Variants in ACACA observed in about 807,000 individuals in gnomAD.
ACACA encodes acetyl-CoA carboxylase alpha, also known as acetyl-CoA carboxylase 1.
Under a neutral mutation model 296.1 loss-of-function variants are expected in ACACA, and 103 were observed. The observed-to-expected ratio is 0.35, with a 90% CI of 0.30 to 0.41. ACACA has a LOEUF of 0.41. Ranked by LOEUF, ACACA falls within the 10% of genes least tolerant of loss-of-function variation. ACACA has a pLI of 1.00. For synonymous variants in ACACA, 953 were observed against 1,038.6 expected, an observed-to-expected ratio of 0.92 and a Z score of 1.58; for missense variants, 1,554 against 2,989.7, an observed-to-expected ratio of 0.52 and a Z score of 11.20.
At chr17:37,328,760 C>T in intron 3 of ACACA, 2 of 397,234 alleles carry the variant, frequency 5.0e-6, no homozygotes, top group Non-Finnish European at 8.9e-6. Context: ...GTAACAGCAA[C>T]AACAGCCACC....
At chr17:37,350,754 G>A (rs575897573) in intron 1 of ACACA, among the ~76,000 whole-genome samples, 4 of 152,102 alleles carry the variant, frequency 2.6e-5, no homozygotes, top group East Asian at 3.9e-4. Context: ...CAGGAGAATC[G>A]CTTGAACCTG....
intron 3 of ACACA, chr17:37,299,630 CG>C (rs2083522305): frequency 8.6e-7 from 1 of 1,164,050 alleles, no homozygotes; most frequent in East Asian, 4.4e-5. Context: ...TGAGAGGAGC[CG>C]GGGAGAAATA....
intron 1 of ACACA, among the ~76,000 whole-genome samples, chr17:37,363,083 C>A: frequency 6.7e-6 from 1 of 149,438 alleles, no homozygotes. Flanking sequence ...AACTCCTGGG[C>A]TCAAGCGATC....
Position 37,128,023 on chromosome 17 carries a change from T to TAAAAAAAAAAAAAAAAAAAAA in ACACA, c.5944+1341_5944+1342insTTTTTTTTTTTTTTTTTTTTT, listed in dbSNP as rs2074890198. ...TGGAGGACAAGAGTGAAACTCCATC[T>TAAAAAAAAAAAAAAAAAAAAA]CAAAAAAAAAAAAAAAAAAAAAAAA... On this transcript the variant is annotated intron_variant, in intron 47 of 55. Coordinates refer to ENST00000616317, the MANE Select transcript of ACACA (RefSeq NM_198834.3). 8.9e-5 allele frequency among the ~76,000 whole-genome samples: 2 copies of TAAAAAAAAAAAAAAAAAAAAA among 22,530 alleles called. 1 individual carries two copies. The highest frequency in any genetic ancestry group is 1.5e-4 in the Non-Finnish European group (2 of 13,090). The allele number at this position is 22,530 out of a possible 152,430, so 14.8% of individuals were successfully genotyped here. A position where few individuals can be genotyped will look rare whatever the true frequency, so the allele number is the denominator to read the frequency against.
At chr17:37,104,292 T>C (rs1792912415) in intron 52 of ACACA, among the ~76,000 whole-genome samples, 1 of 152,186 alleles carries the variant, frequency 6.6e-6, no homozygotes, top group Non-Finnish European at 1.5e-5. Context: ...ACACTTTTAA[T>C]TAAAAAATTT....
At chr17:37,109,011 A>T (rs1432289955) in intron 52 of ACACA, among the ~76,000 whole-genome samples, 1 of 152,212 alleles carries the variant, frequency 6.6e-6, no homozygotes, top group African/African-American at 2.4e-5. Context: ...ATCTTAGATG[A>T]TTCACTTTTT....
chr17:37,145,302 A>G (rs1266447232), intron 45 of ACACA, among the ~76,000 whole-genome samples: 1 of 152,180 alleles, frequency 6.6e-6, no homozygotes, highest in African/African-American at 2.4e-5. Context: ...CCAAGTACAC[A>G]GGTTACTGCC....
chr17:37,227,337 C>G (rs2921368), intron 25 of ACACA, among the ~76,000 whole-genome samples: 51,197 of 151,932 alleles, frequency 0.34, 10,936 homozygotes, highest in African/African-American at 0.59. Context: ...ACTTTACAGA[C>G]CTACTGGTAG....
At chr17:37,227,782 C>A (rs529025452) in intron 25 of ACACA, among the ~76,000 whole-genome samples, 9 of 151,452 alleles carry the variant, frequency 5.9e-5, no homozygotes, top group African/African-American at 1.9e-4. Flanking sequence ...ATGGCGTGAA[C>A]CCGGGAGGTG....
At chr17:37,114,550 AAAAG>A (rs1310521918) in intron 50 of ACACA, among the ~76,000 whole-genome samples, 2 of 151,948 alleles carry the variant, frequency 1.3e-5, no homozygotes, top group African/African-American at 4.8e-5. Context: ...AAAAAAAAAA[AAAAG>A]AGTACATTTT....
chr17:37,248,593 C>A lies in ACACA; in HGVS notation c.2163G>T (p.Lys721Asn). Residue 721 changes from lysine to asparagine, a missense_variant and splice_region_variant, in exon 17 of 56, where the codon AAG becomes AAT. Coordinates refer to ENST00000616317, the MANE Select transcript of ACACA (RefSeq NM_198834.3). ...CAAGCTCCAATGGGGTTCTGCATAC[C>A]TTAAGTACATACTTGACTCCCTCAT... ...LIYEGVKYVL[K>N]VTRQSPNSYV... 1 of 1,598,512 alleles carries A rather than the reference C, an allele frequency of 6.3e-7. No individual in the cohort carries two copies. The highest frequency in any genetic ancestry group is 1.1e-5 in the South Asian group (1 of 90,480).
At chr17:37,322,058 T>C (rs2147130997) in intron 3 of ACACA, among the ~76,000 whole-genome samples, 1 of 152,302 alleles carries the variant, frequency 6.6e-6, no homozygotes, top group East Asian at 1.9e-4. Flanking sequence ...ACAAAAGAGC[T>C]CAAAATTTTC....
chr17:37,330,208 G>A lies in ACACA; in HGVS notation c.303C>T (p.Ile101=), dbSNP rs2047812042. 6.2e-7 allele frequency: 1 copy of A among 1,614,160 alleles called. No homozygotes were observed. Among genetic ancestry groups the A allele is most frequent in the Non-Finnish European group, 8.5e-7 (1 of 1,180,028 alleles). Residue 101 remains isoleucine (I), a synonymous_variant, in exon 3 of 56, where the codon ATC becomes ATT. Transcript: ENST00000616317. The part of the protein sequence containing the change: ...VGSDTLSDLG[I]SSLQDGLALH... The stretch of plus-strand genomic sequence containing the variant: ...AGGCCAAGCCATCCTGTAGGCTAGA[G>A]ATCCCCAAATCAGAGAGTGTATCTG...
rs910755964 is a variant in ACACA at position 37,204,617 on chromosome 17, G to C, written c.4056+1148C>G. The stretch of plus-strand genomic sequence containing the variant: ...AAGGAGGAACATACATTTTAGTTAG[G>C]GCTACTCAGAAGTCCTCACTGAAGA... On this transcript the variant is annotated intron_variant, in intron 33 of 55. Transcript: ENST00000616317. 2.0e-5 allele frequency among the ~76,000 whole-genome samples: 3 copies of C among 152,090 alleles called. No individual in the cohort carries two copies. In the South Asian group the frequency reaches 6.2e-4, roughly 32 times the overall value.
rs918622457 is a variant in ACACA, at chr17:37,097,634, C to T, written c.6720+196G>A. 6.6e-6 allele frequency among the ~76,000 whole-genome samples: 1 copy of T among 152,084 alleles called. No homozygotes were observed. The highest frequency in any genetic ancestry group is 1.5e-5 in the Non-Finnish European group (1 of 68,032). ...TGCCTCCTGAGGAATTAATGGAAAC[C>T]TAAATTATACATTGTTTTAAGATGA... is the stretch of plus-strand genomic sequence containing the variant. On this transcript the variant is annotated intron_variant, in intron 53 of 55. Coordinates refer to ENST00000616317, the MANE Select transcript of ACACA (RefSeq NM_198834.3). This position sits in a 1 kb window ranked among gnomAD's most constrained non-coding sequence, Gnocchi z 4.8.
chr17:37,242,856 G>A lies in ACACA; in HGVS notation c.2931+515C>T, dbSNP rs527650807. 1.1e-4 allele frequency among the ~76,000 whole-genome samples: 17 copies of A among 152,320 alleles called. No homozygotes were observed. In the South Asian group the frequency reaches 2.9e-3, roughly 26 times the overall value. On this transcript the variant is annotated intron_variant, in intron 22 of 55. Coordinates refer to ENST00000616317, the MANE Select transcript of ACACA (RefSeq NM_198834.3). ...GATCGAGACCATCCTGGCCAACATG[G>A]TGAAACCCGTGACTACTAAAAATGC...
chr17:37,332,910 G>GAA (rs58422225), intron 2 of ACACA, among the ~76,000 whole-genome samples: 12 of 76,868 alleles, frequency 1.6e-4, no homozygotes, highest in Admixed American at 1.5e-4. Flanking sequence ...ACTCTGTCTA[G>GAA]AAAAAAAAAA....
chr17:37,265,204 G>A (rs2081703024), intron 10 of ACACA, among the ~76,000 whole-genome samples: 1 of 152,182 alleles, frequency 6.6e-6, no homozygotes, highest in South Asian at 2.1e-4. Context: ...TCAAGGGGTA[G>A]GGAAAATAGA....
chr17:37,388,546 T>C (rs969162036), intron 1 of ACACA: 2 of 1,150,218 alleles, frequency 1.7e-6, no homozygotes, highest in Admixed American at 2.5e-5. Context: ...ATTCTGCCTC[T>C]GCCTCTGGGT....
Sources: allele counts gnomAD v4.1 joint callset (sites outside exome capture counted in the v4.1 genomes callset), GRCh38; gene constraint gnomAD v4.1.1; non-coding constraint Gnocchi (gnomAD v3.1); transcripts MANE v1.5; gene names NCBI Gene and HGNC (gene_info 2026-07-23, HGNC 2026-07-21).